SLC22A25: variants seen among roughly 807,000 people sequenced by gnomAD.
SLC22A25 encodes the protein MGI:2442751, MGI:2385316, MGI:3042283, MGI:3645714, MGI:3605624, MGI:2442750.
SLC22A25 carries 44 observed loss-of-function variants against 45.9 expected under a neutral mutation model. The ratio of observed to expected loss-of-function variants is 0.96; its 90% confidence interval spans 0.75 to 1.23. SLC22A25 has a LOEUF of 1.23. Ranked by LOEUF, SLC22A25 falls within the 50% of genes most tolerant of loss-of-function variation. SLC22A25 has a pLI of 0.00. For missense variants in SLC22A25, 800 were observed against 666.4 expected (o/e 1.20, Z -2.21); for synonymous variants, 283 against 238.6 (o/e 1.19, Z -1.72).
chr11:63,185,110 A>G (rs568968418), intron 7 of SLC22A25, among the ~76,000 whole-genome samples: 8 of 152,300 alleles, frequency 5.3e-5, no homozygotes, highest in East Asian at 1.9e-4. Flanking sequence ...CAAGAATTTC[A>G]TAATGCAATC....
intron 9 of SLC22A25, among the ~76,000 whole-genome samples, chr11:63,176,185 T>C (rs2088082625): frequency 6.6e-6 from 1 of 152,050 alleles, no homozygotes; most frequent in African/African-American, 2.4e-5. Flanking sequence ...TTTCTCAAGG[T>C]AGTTTTATCT....
chr11:63,177,916 C>CTT (rs202010380), intron 9 of SLC22A25, among the ~76,000 whole-genome samples: 2 of 82,258 alleles, frequency 2.4e-5, no homozygotes, highest in African/African-American at 7.6e-5. Context: ...ATCCCATTTT[C>CTT]TTTTTTTTTG....
intron 3 of SLC22A25, among the ~76,000 whole-genome samples, chr11:63,233,083 G>A (rs549909855): frequency 6.6e-6 from 1 of 152,128 alleles, no homozygotes; most frequent in African/African-American, 2.4e-5. Context: ...AAGGATATTG[G>A]TCTAAAATTC....
chr11:63,200,204 A>T (rs527575537), intron 7 of SLC22A25, among the ~76,000 whole-genome samples: 1 of 151,738 alleles, frequency 6.6e-6, no homozygotes, highest in South Asian at 2.1e-4. Context: ...TACAACAAAA[A>T]TAGAAAACTT....
chr11:63,192,202 A>C (rs951813388), intron 7 of SLC22A25, among the ~76,000 whole-genome samples: 1 of 152,238 alleles, frequency 6.6e-6, no homozygotes, highest in African/African-American at 2.4e-5. Flanking sequence ...TTAAGAGAAG[A>C]AATTCTAATC....
intron 7 of SLC22A25, among the ~76,000 whole-genome samples, chr11:63,195,994 A>G (rs557484066): frequency 3.2e-4 from 49 of 152,244 alleles, no homozygotes; most frequent in Non-Finnish European, 6.5e-4. Context: ...AATAAACTAG[A>G]AAATCTAGAA....
Position 63,217,299 on chromosome 11 carries a change from A to G in SLC22A25, c.830+15T>C, listed in dbSNP as rs750549224. On this transcript the variant is annotated intron_variant, in intron 7 of 11. Transcript: ENST00000306494. ...AAGGATGTCATATGGCAAAAGAAGAATGCAAGCTCAATACCTTGAGAACAG... is the reference window on the plus strand; with the variant it reads ...AAGGATGTCATATGGCAAAAGAAGAGTGCAAGCTCAATACCTTGAGAACAG... The G allele has an allele frequency of 2.6e-5, 42 of 1,609,212 alleles. No individual in the cohort carries two copies. Among genetic ancestry groups the G allele is most frequent in the Non-Finnish European group, 3.6e-5 (42 of 1,177,798 alleles).
intron 3 of SLC22A25, among the ~76,000 whole-genome samples, chr11:63,231,747 AG>A (rs1015769228): frequency 1.3e-5 from 2 of 152,166 alleles, no homozygotes; most frequent in African/African-American, 4.8e-5. Flanking sequence ...TTTTTCTTCT[AG>A]GGTTTTTATG....
At chr11:63,207,923 C>A (rs993140895) in intron 7 of SLC22A25, among the ~76,000 whole-genome samples, 13 of 152,146 alleles carry the variant, frequency 8.5e-5, no homozygotes, top group Non-Finnish European at 1.2e-4. Context: ...CCCCCTACCC[C>A]ACGAAATGCT....
chr11:63,229,307 A>G lies in SLC22A25; in HGVS notation c.346T>C (p.Cys116Arg), dbSNP rs1473114865. 1.2e-6 allele frequency: 2 copies of G among 1,603,318 alleles called. No homozygotes were observed. The highest frequency in any genetic ancestry group is 1.3e-5 in the African/African-American group (1 of 74,750). Residue 116 changes from cysteine to arginine, a missense_variant, in exon 4 of 12, where the codon TGT becomes CGT. Transcript: ENST00000306494. Reference sequence around the variant, plus strand: ...TGGTCATATACCCAGCCATCCACACAGGGCTCTGTATCTGGCTCACTCGTG... The same window carrying G: ...TGGTCATATACCCAGCCATCCACACGGGGCTCTGTATCTGGCTCACTCGTG... Reference protein sequence around the residue: ...PNTSEPDTEPCVDGWVYDQSS... With the variant: ...PNTSEPDTEPRVDGWVYDQSS...
At chr11:63,232,203 A>C (rs138738771) in intron 3 of SLC22A25, among the ~76,000 whole-genome samples, 6,106 of 152,246 alleles carry the variant, frequency 0.04, 416 homozygotes, top group African/African-American at 0.14. Flanking sequence ...GATGGCATTG[A>C]ATCTATAAAA....
intron 9 of SLC22A25, among the ~76,000 whole-genome samples, chr11:63,175,158 T>C (rs1423775153): frequency 2.0e-5 from 3 of 152,158 alleles, no homozygotes; most frequent in Non-Finnish European, 4.4e-5. Context: ...AGAAGTAGGA[T>C]TGGTGAATCA....
chr11:63,170,233 C>G (rs2087829924), intron 9 of SLC22A25, among the ~76,000 whole-genome samples: 1 of 151,794 alleles, frequency 6.6e-6, no homozygotes, highest in South Asian at 2.1e-4. Flanking sequence ...AAATCGATAC[C>G]CTAACATCAC....
At chr11:63,201,653 C>A (rs188031244) in intron 7 of SLC22A25, among the ~76,000 whole-genome samples, 119 of 152,230 alleles carry the variant, frequency 7.8e-4, no homozygotes, top group African/African-American at 2.7e-3. Flanking sequence ...CAAAAATTGA[C>A]AAATGGCATC....
At chr11:63,209,670 G>A (rs921303186) in intron 7 of SLC22A25, among the ~76,000 whole-genome samples, 2 of 152,276 alleles carry the variant, frequency 1.3e-5, no homozygotes, top group Non-Finnish European at 2.9e-5. Context: ...TAGGGTTTAC[G>A]TTTATCAGCC....
chr11:63,185,232 AC>A (rs1168242432), intron 7 of SLC22A25, among the ~76,000 whole-genome samples: 1 of 151,936 alleles, frequency 6.6e-6, no homozygotes, highest in African/African-American at 2.4e-5. Flanking sequence ...GGTGTGCTGC[AC>A]CCATTAACTC....
intron 7 of SLC22A25, 34 bp from the exon 8 acceptor site, chr11:63,183,851 C>A (rs1459811389): frequency 5.0e-6 from 8 of 1,611,524 alleles, no homozygotes; most frequent in South Asian, 1.1e-5. Context: ...TGCAGCCAAC[C>A]ACTACTTACT....
intron 5 of SLC22A25, among the ~76,000 whole-genome samples, chr11:63,219,320 T>A (rs369740875): frequency 1.3e-5 from 2 of 152,160 alleles, no homozygotes; most frequent in African/African-American, 2.4e-5. Flanking sequence ...TTTAATGCAA[T>A]CCCAATGAAA....
chr11:63,180,814 A>G (rs1259767638), intron 8 of SLC22A25, 39 bp from the exon 9 acceptor site: 1 of 1,466,518 alleles, frequency 6.8e-7, no homozygotes, highest in Admixed American at 1.8e-5. Flanking sequence ...TTCAGTTGTC[A>G]CAAAATGGTA....
Sources: gnomAD v4.1 joint callset for allele counts (sites outside exome capture counted in the v4.1 genomes callset) on GRCh38, gnomAD v4.1.1 for gene constraint, MANE v1.5 for transcripts, NCBI Gene and HGNC (gene_info 2026-07-23, HGNC 2026-07-21) for gene names.